Variants in MMRN1 observed in about 807,000 individuals in gnomAD.
The protein encoded by MMRN1 is multimerin-1.
Under a neutral mutation model 100.7 loss-of-function variants are expected in MMRN1, and 94 were observed. The ratio of observed to expected loss-of-function variants is 0.93; its 90% CI spans 0.79 to 1.11. MMRN1 has a LOEUF of 1.11. Among genes scored for constraint, MMRN1 ranks in the 50% least tolerant of loss-of-function variants. MMRN1 has a pLI of 0.00. For missense variants in MMRN1, 1,606 were observed against 1,439.1 expected (o/e 1.12, Z -1.88); for synonymous variants, 575 against 505.0 (o/e 1.14, Z -1.86).
chr4:89,888,928 G>A (rs1720992637), intron 1 of MMRN1, among the ~76,000 whole-genome samples: 1 of 151,132 alleles, frequency 6.6e-6, no homozygotes, highest in Non-Finnish European at 1.5e-5. Flanking sequence ...GATTTTTTTA[G>A]GGTTTCTCTC....
chr4:89,886,737 T>C (rs962397570), intron 1 of MMRN1, among the ~76,000 whole-genome samples: 1 of 152,156 alleles, frequency 6.6e-6, no homozygotes, highest in Non-Finnish European at 1.5e-5. Flanking sequence ...GGCTACATAA[T>C]GGTTGTACAT....
At chr4:89,905,122 TTATA>T (rs1323913426) in intron 1 of MMRN1, among the ~76,000 whole-genome samples, 1 of 151,574 alleles carries the variant, frequency 6.6e-6, no homozygotes, top group East Asian at 1.9e-4. Context: ...AGACTAACTT[TTATA>T]TATTTAGGAT....
In MMRN1 at chr4:89,913,518, T is replaced by C. The variant is rs573247368; in HGVS notation, c.850+1468T>C. 2.6e-5 allele frequency among the ~76,000 whole-genome samples: 4 copies of C among 151,398 alleles called. No individual in the cohort carries two copies. The South Asian group carries it at 8.3e-4, about 31-fold the overall frequency. On this transcript the variant is annotated intron_variant, in intron 3 of 7. Coordinates refer to ENST00000264790, the MANE Select transcript of MMRN1 (RefSeq NM_007351.3). The stretch of plus-strand genomic sequence containing the variant: ...GGACTACATACATGTAGGAAGAAAA[T>C]ACCAGAACATCACTGTAAATATAGA...
intron 4 of MMRN1, among the ~76,000 whole-genome samples, chr4:89,924,773 G>A (rs1305783221): frequency 2.0e-5 from 3 of 152,112 alleles, no homozygotes; most frequent in African/African-American, 7.2e-5. Flanking sequence ...GAACCCGGGA[G>A]GCAGAGGTTG....
intron 6 of MMRN1, among the ~76,000 whole-genome samples, chr4:89,945,390 T>C (rs79458781): frequency 0.029 from 4,370 of 152,264 alleles, 143 homozygotes; most frequent in African/African-American, 0.077. Context: ...GGTTATAAGA[T>C]ACATAGTTTT....
At chr4:89,944,206 T>C (rs747914228) in intron 6 of MMRN1, among the ~76,000 whole-genome samples, 1 of 152,220 alleles carries the variant, frequency 6.6e-6, no homozygotes, top group Non-Finnish European at 1.5e-5. Context: ...TTTTCTCTAT[T>C]TTAAATAGTG....
At chr4:89,907,663 T>C (rs922185530) in intron 1 of MMRN1, among the ~76,000 whole-genome samples, 1 of 151,460 alleles carries the variant, frequency 6.6e-6, no homozygotes, top group African/African-American at 2.4e-5. Flanking sequence ...TTCTATTCCT[T>C]ATCTTCGAGT....
At chr4:89,948,926 G>A (rs1723073886) in intron 6 of MMRN1, among the ~76,000 whole-genome samples, 1 of 152,152 alleles carries the variant, frequency 6.6e-6, no homozygotes, top group African/African-American at 2.4e-5. Flanking sequence ...TACTGTAACA[G>A]TAGTAGTAGA....
chr4:89,950,192 T>C (rs944410680), intron 6 of MMRN1, among the ~76,000 whole-genome samples: 3 of 152,228 alleles, frequency 2.0e-5, no homozygotes, highest in African/African-American at 7.2e-5. Flanking sequence ...TTAATTGCTG[T>C]CTAATATTCC....
chr4:89,893,526 C>T (rs139301125), upstream of MMRN1, among the ~76,000 whole-genome samples: 3,540 of 151,990 alleles, frequency 0.023, 70 homozygotes, highest in Non-Finnish European at 0.032. Flanking sequence ...TTTTGAAAGA[C>T]GGAACTTAAT....
intron 2 of MMRN1, among the ~76,000 whole-genome samples, chr4:89,911,126 G>A (rs1399586690): frequency 3.3e-5 from 5 of 151,384 alleles, no homozygotes; most frequent in African/African-American, 1.2e-4. Flanking sequence ...AAGCAAGATA[G>A]TATGTACCCA....
At chr4:89,928,850 G>C (rs971982656) in intron 5 of MMRN1, among the ~76,000 whole-genome samples, 1 of 152,062 alleles carries the variant, frequency 6.6e-6, no homozygotes, top group Non-Finnish European at 1.5e-5. Context: ...AGTCCCTTTT[G>C]CCATGTAAGG....
chr4:89,935,266 A>T lies in MMRN1; in HGVS notation c.1586A>T (p.Gln529Leu). The change falls in exon 6 of 8, where the codon CAG becomes CTG. Residue 529 changes from glutamine to leucine, a missense_variant. Coordinates refer to ENST00000264790, the MANE Select transcript of MMRN1 (RefSeq NM_007351.3). The stretch of plus-strand genomic sequence containing the variant: ...TTATCAACTGAACAGGTATCAGACC[A>T]GAAGAATGCTCCAGCTGCTGAGTCA... ...QLLSTEQVSD[Q>L]KNAPAAESVS... 1 of 1,613,844 alleles carries T rather than the reference A, an allele frequency of 6.2e-7. No homozygotes were observed. The highest frequency in any genetic ancestry group is 8.5e-7 in the Non-Finnish European group (1 of 1,179,808).
At chr4:89,910,497 T>G (rs1209337242) in intron 2 of MMRN1, among the ~76,000 whole-genome samples, 1 of 151,454 alleles carries the variant, frequency 6.6e-6, no homozygotes, top group African/African-American at 2.4e-5. Context: ...TTTTTAATAC[T>G]CGTGTCATAA....
chr4:89,904,915 A>G (rs544052411), intron 1 of MMRN1, among the ~76,000 whole-genome samples: 1 of 151,762 alleles, frequency 6.6e-6, no homozygotes, highest in South Asian at 2.1e-4. Flanking sequence ...GATTATTGAC[A>G]CCAATAAAAA....
chr4:89,935,461 AC>A lies in MMRN1; in HGVS notation c.1782del (p.Asp594GlufsTer24), dbSNP rs571714703. ...EKESLRGECEDMLSKCRNDFK... is the reference protein window; with the variant it reads ...EKESLRGECEXMLSKCRNDFK... ...GAGTCTCTCAGAGGTGAATGTGAAG[AC>A]ATGTTATCCAAATGCAGAAATGATT... is the stretch of plus-strand genomic sequence containing the variant. On this transcript the variant is annotated frameshift_variant, in exon 6 of 8. Transcript: ENST00000264790. LOFTEE classifies it high-confidence loss of function. 122 of 1,613,592 alleles carry A rather than the reference AC, an allele frequency of 7.6e-5. 1 individual carries two copies. The South Asian group carries it at 1.3e-3, about 17-fold the overall frequency.
At position 89,905,245 on chromosome 4, in the gene MMRN1, T is replaced by C. The variant is rs138048084; in HGVS notation, c.624-4031T>C. ...TATTATTTCATAATTTTGCCATTAG[T>C]AATGGTCAAACAGTTAAGTTTTGTT... On this transcript the variant is annotated intron_variant, in intron 1 of 7. Coordinates refer to ENST00000264790, the MANE Select transcript of MMRN1 (RefSeq NM_007351.3). Among the ~76,000 whole-genome samples the C allele has an allele frequency of 5.3e-3, 800 of 151,428 alleles. 11 individuals carry two copies. Among genetic ancestry groups the C allele is most frequent in the African/African-American group, 0.019 (777 of 41,450 alleles).
intron 3 of MMRN1, among the ~76,000 whole-genome samples, chr4:89,914,253 CT>C (rs1721845494): frequency 1.3e-5 from 2 of 151,452 alleles, no homozygotes; most frequent in African/African-American, 4.8e-5. Flanking sequence ...TTCTCCCCCA[CT>C]TTTGTACCCT....
At chr4:89,892,337 T>G (rs1721072807), upstream of MMRN1, among the ~76,000 whole-genome samples, 1 of 151,132 alleles carries the variant, frequency 6.6e-6, no homozygotes, top group Admixed American at 6.6e-5. Context: ...TATACAAAAC[T>G]GATGATATAG....
Sources: gnomAD v4.1 joint callset for allele counts (sites outside exome capture counted in the v4.1 genomes callset) on GRCh38, gnomAD v4.1.1 for gene constraint, MANE v1.5 for transcripts, NCBI Gene and HGNC (gene_info 2026-07-23, HGNC 2026-07-21) for gene names.